The following CTNNA3 variants were observed in gnomAD, a reference collection of about 807,000 sequenced individuals.
CTNNA3 encodes catenin alpha-3.
Under a neutral mutation model 95.7 loss-of-function variants are expected in CTNNA3, and 76 were observed. The ratio of observed to expected loss-of-function variants is 0.79; its 90% CI spans 0.66 to 0.96. CTNNA3 has a LOEUF of 0.96. Ranked by LOEUF, CTNNA3 falls within the 40% of genes least tolerant of loss-of-function variation. CTNNA3 has a pLI of 0.00. For synonymous variants in CTNNA3, 431 were observed against 374.4 expected (o/e 1.15, Z -1.74); for missense variants, 1,191 against 1,089.8 (o/e 1.09, Z -1.31).
chr10:66,163,296 C>T (rs986883110), intron 13 of CTNNA3, among the ~76,000 whole-genome samples: 4 of 152,032 alleles, frequency 2.6e-5, no homozygotes, highest in African/African-American at 4.8e-5. Context: ...AGTTTTACCC[C>T]CTGCTCCTCT....
chr10:66,882,968 C>A (rs1214765115), intron 7 of CTNNA3, among the ~76,000 whole-genome samples: 5 of 151,936 alleles, frequency 3.3e-5, no homozygotes, highest in African/African-American at 9.7e-5. Context: ...TGTGTGGGCA[C>A]CATCTGGCCC....
At chr10:66,946,651 A>G (rs551433277) in intron 7 of CTNNA3, among the ~76,000 whole-genome samples, 1 of 152,206 alleles carries the variant, frequency 6.6e-6, no homozygotes, top group Non-Finnish European at 1.5e-5. Context: ...TGTACTTTTG[A>G]GTCTCACTTA....
At chr10:67,032,154 G>A (rs1853767491) in intron 7 of CTNNA3, among the ~76,000 whole-genome samples, 1 of 152,056 alleles carries the variant, frequency 6.6e-6, no homozygotes, top group Non-Finnish European at 1.5e-5. Context: ...CTGAGGCCTA[G>A]AAAAAATATA....
chr10:66,197,336 CTCTATCTATCTATCTATCTA>C (rs200815679), intron 13 of CTNNA3, among the ~76,000 whole-genome samples: 2 of 148,166 alleles, frequency 1.3e-5, no homozygotes, highest in Admixed American at 6.8e-5. Flanking sequence ...CAATCCAAAT[CTCTATCTATCTATCTATCTA>C]TCTATCTATC....
At chr10:67,530,347 G>A (rs997626178) in intron 4 of CTNNA3, among the ~76,000 whole-genome samples, 1 of 152,226 alleles carries the variant, frequency 6.6e-6, no homozygotes, top group Non-Finnish European at 1.5e-5. Context: ...TGCCCAAAAT[G>A]CTGATAAGCA....
chr10:67,631,587 T>C (rs1839144380), intron 2 of CTNNA3, among the ~76,000 whole-genome samples: 1 of 152,204 alleles, frequency 6.6e-6, no homozygotes, highest in Non-Finnish European at 1.5e-5. Context: ...TTAATAACTT[T>C]AGCTGGTGGC....
intron 7 of CTNNA3, among the ~76,000 whole-genome samples, chr10:66,833,316 T>C (rs1842785437): frequency 6.6e-6 from 1 of 152,208 alleles, no homozygotes; most frequent in South Asian, 2.1e-4. Flanking sequence ...GACTGTTCAG[T>C]AGGCATTGAA....
chr10:66,703,603 C>A (rs1210258960), intron 9 of CTNNA3, among the ~76,000 whole-genome samples: 2 of 151,740 alleles, frequency 1.3e-5, no homozygotes, highest in African/African-American at 4.8e-5. Context: ...GTGATCCATA[C>A]CTTTTTGTTA....
intron 7 of CTNNA3, among the ~76,000 whole-genome samples, chr10:67,016,080 G>A (rs116986357): frequency 0.029 from 4,353 of 151,736 alleles, 92 homozygotes; most frequent in Non-Finnish European, 0.037. Flanking sequence ...TTTAGAATAC[G>A]TATTTGTTGT....
At chr10:66,233,122 T>C (rs1304572905) in intron 13 of CTNNA3, among the ~76,000 whole-genome samples, 1 of 128,624 alleles carries the variant, frequency 7.8e-6, no homozygotes, top group African/African-American at 3.1e-5. Context: ...ATCGCGCCAC[T>C]GCACTCCAGC....
chr10:66,762,536 A>G (rs1839642021), intron 9 of CTNNA3, among the ~76,000 whole-genome samples: 1 of 151,740 alleles, frequency 6.6e-6, no homozygotes, highest in South Asian at 2.1e-4. Flanking sequence ...AACTACAATA[A>G]TAGATGTGGT....
chr10:66,606,266 C>G (rs1406237512), intron 10 of CTNNA3, among the ~76,000 whole-genome samples: 1 of 152,258 alleles, frequency 6.6e-6, no homozygotes, highest in African/African-American at 2.4e-5. Context: ...CGTCCAGATT[C>G]ACAAAAGAAA....
chr10:67,334,880 C>T (rs1024755596), intron 5 of CTNNA3: 1 of 163,084 alleles, frequency 6.1e-6, no homozygotes, highest in Non-Finnish European at 1.4e-5. Context: ...TGCCACTAAC[C>T]TGGGTTAATG....
intron 10 of CTNNA3, among the ~76,000 whole-genome samples, chr10:66,601,248 T>C (rs1311042721): frequency 6.6e-6 from 1 of 151,860 alleles, no homozygotes; most frequent in Admixed American, 6.6e-5. Context: ...GACTTTAATT[T>C]AGCATTCAAC....
At chr10:67,329,140 G>A (rs1841676565) in intron 5 of CTNNA3, among the ~76,000 whole-genome samples, 1 of 152,200 alleles carries the variant, frequency 6.6e-6, no homozygotes, top group African/African-American at 2.4e-5. Flanking sequence ...GGGAGACCAA[G>A]GTGGGTGGAC....
chr10:67,681,722 T>TAGAA (rs1840629250), intron 1 of CTNNA3, among the ~76,000 whole-genome samples: 2 of 152,074 alleles, frequency 1.3e-5, no homozygotes, highest in Admixed American at 1.3e-4. Flanking sequence ...GGTTTAAAAT[T>TAGAA]TTGACTACAA....
At chr10:67,399,922 ATTT>A (rs10718391) in intron 5 of CTNNA3, among the ~76,000 whole-genome samples, 1 of 151,748 alleles carries the variant, frequency 6.6e-6, no homozygotes, top group Non-Finnish European at 1.5e-5. Context: ...TTTAATTACA[ATTT>A]TTTTTTATTA....
intron 11 of CTNNA3, among the ~76,000 whole-genome samples, chr10:66,384,176 G>A (rs1292797267): frequency 5.3e-5 from 8 of 151,974 alleles, no homozygotes; most frequent in South Asian, 2.1e-4. Context: ...GTCAAAACCC[G>A]TAAGTGTGCT....
chr10:66,205,819 T>A (rs1280973988), intron 13 of CTNNA3, among the ~76,000 whole-genome samples: 1 of 152,000 alleles, frequency 6.6e-6, no homozygotes. Flanking sequence ...AGCTGAGTTA[T>A]TTATGTGTAC....
Sources: allele counts gnomAD v4.1 joint callset (sites outside exome capture counted in the v4.1 genomes callset), GRCh38; gene constraint gnomAD v4.1.1; transcripts MANE v1.5; gene names NCBI Gene and HGNC (gene_info 2026-07-23, HGNC 2026-07-21).